Variants in INPP5A observed in about 807,000 individuals in gnomAD.
INPP5A encodes the protein inositol polyphosphate-5-phosphatase A, also known as 43 kDa inositol polyphosphate 5-phophatase.
Under a neutral mutation model 65.2 loss-of-function variants are expected in INPP5A, and 14 were observed. The observed-to-expected ratio is 0.21, with a 90% confidence interval of 0.14 to 0.34. The LOEUF (loss-of-function observed/expected upper bound fraction) is 0.34. INPP5A is among the 10% of genes least tolerant of loss of function. The pLI is 1.00. For missense variants in INPP5A, 431 were observed against 545.6 expected, an observed-to-expected ratio of 0.79 and a Z score of 2.09; for synonymous variants, 207 against 208.3, an observed-to-expected ratio of 0.99 and a Z score of 0.05.
In INPP5A at chr10:132,780,849, T is replaced by C; in HGVS notation, c.1090T>C (p.Ser364Pro). The change falls in exon 14 of 16, where the codon TCG becomes CCG. Residue 364 changes from serine to proline, a missense_variant and splice_region_variant. Transcript: ENST00000368594. ...SPSAKELVLR[S>P]ESEEKVVTYD... ...TCACCTGTCTGTTTCCCCTTTCCAG[T>C]CGGAGAGCGAGGAGAAGGTTGTCAC... is the stretch of plus-strand genomic sequence containing the variant. 6.2e-7 allele frequency: 1 copy of C among 1,613,186 alleles called. No homozygotes were observed. The highest frequency in any genetic ancestry group is 8.5e-7 in the Non-Finnish European group (1 of 1,179,766).
intron 4 of INPP5A, among the ~76,000 whole-genome samples, chr10:132,664,932 G>A (rs372914208): frequency 3.9e-5 from 6 of 152,228 alleles, no homozygotes; most frequent in Admixed American, 3.9e-4. Context: ...AGTCCCCGAT[G>A]TAGGCTTGTT....
At position 132,726,866 on chromosome 10, in the gene INPP5A, T is replaced by C. The variant is rs775599363; in HGVS notation, c.693T>C (p.Gly231=). 6.2e-7 allele frequency: 1 copy of C among 1,610,906 alleles called. No homozygotes were observed. The highest frequency in any genetic ancestry group is 8.5e-7 in the Non-Finnish European group (1 of 1,177,616). Residue 231 remains glycine, a synonymous_variant, in exon 9 of 16, where the codon GGT becomes GGC. Coordinates refer to ENST00000368594, the MANE Select transcript of INPP5A (RefSeq NM_005539.5). Reference sequence around the variant, plus strand: ...AGAAGGTTTCCTACTTTGTATTTGGTGATTTCAACTTCCGGCTGGATTCCA... The same window carrying C: ...AGAAGGTTTCCTACTTTGTATTTGGCGATTTCAACTTCCGGCTGGATTCCA... The part of the protein sequence containing the change: ...RFEKVSYFVF[G]DFNFRLDSKS...
chr10:132,701,742 C>T (rs1845440860), intron 6 of INPP5A, among the ~76,000 whole-genome samples: 1 of 152,098 alleles, frequency 6.6e-6, no homozygotes, highest in Non-Finnish European at 1.5e-5. Flanking sequence ...CCTCCTTCCT[C>T]TTGGGCCACC....
At chr10:132,681,862 A>G (rs1303291094) in intron 4 of INPP5A, among the ~76,000 whole-genome samples, 1 of 152,248 alleles carries the variant, frequency 6.6e-6, no homozygotes, top group Admixed American at 6.5e-5. Flanking sequence ...AACCGTAAAA[A>G]GGAAAGAAAT....
Position 132,635,385 on chromosome 10 carries a change from G to GTTTTTT in INPP5A, c.118-10483_118-10482insTTTTTT, listed in dbSNP as rs1564943179. ...TTTATTGGCTGTTTGCCTTTTTAAA[G>GTTTTTT]ATTTTTTTTTTTTTTTTTTTTTTTT... On this transcript the variant is annotated intron_variant, in intron 2 of 15. Coordinates refer to ENST00000368594, the MANE Select transcript of INPP5A (RefSeq NM_005539.5). Among the ~76,000 whole-genome samples, 39 of 40,146 alleles carry GTTTTTT rather than the reference G, an allele frequency of 9.7e-4. 1 individual carries two copies. Among genetic ancestry groups the GTTTTTT allele is most frequent in the South Asian group, 2.7e-3 (3 of 1,096 alleles). 26.3% of individuals were successfully genotyped at this position (40,146 alleles called of 152,430 possible).
rs560140052 is a variant in INPP5A, at chr10:132,753,992, A to C, written c.903+4147A>C. 8.5e-5 allele frequency: 13 copies of C among 152,372 alleles called. No individual in the cohort carries two copies. The South Asian group carries it at 2.7e-3, about 32-fold the overall frequency. The allele number at this position is 152,372 out of a possible 1,614,324, so 9.4% of individuals were successfully genotyped here. A position where few individuals can be genotyped will look rare whatever the true frequency, so the allele number is the denominator to read the frequency against. On this transcript the variant is annotated intron_variant, in intron 11 of 15. Transcript: ENST00000368594. The surrounding 1 kb of genome is among the most constrained non-coding windows in gnomAD (Gnocchi z 5.3). ...TCAACAGCAACGTGCGCAGTTTCTAATCAGAAACCTCTCCTGTCTGGTATT... is the reference window on the plus strand; with the variant it reads ...TCAACAGCAACGTGCGCAGTTTCTACTCAGAAACCTCTCCTGTCTGGTATT...
intron 11 of INPP5A, among the ~76,000 whole-genome samples, chr10:132,758,260 A>G (rs1590991254): frequency 8.6e-6 from 1 of 116,426 alleles, no homozygotes; most frequent in African/African-American, 3.0e-5. Flanking sequence ...GCCCGGCACC[A>G]TGGCGTGGGT....
intron 4 of INPP5A, among the ~76,000 whole-genome samples, chr10:132,671,505 T>C (rs1398954333): frequency 2.0e-5 from 3 of 152,150 alleles, no homozygotes; most frequent in Admixed American, 2.0e-4. Flanking sequence ...TCTGCTTCGG[T>C]ATCTACCTCC....
intron 7 of INPP5A, 128 bp downstream of exon 7, chr10:132,708,493 G>T (rs757589683): frequency 1.1e-6 from 1 of 881,458 alleles, no homozygotes; most frequent in East Asian, 2.4e-5. Context: ...CCAGCTGCCT[G>T]ACCCCCACCT....
chr10:132,730,573 G>A (rs1429251857), intron 9 of INPP5A, among the ~76,000 whole-genome samples: 1 of 152,254 alleles, frequency 6.6e-6, no homozygotes, highest in Non-Finnish European at 1.5e-5. Flanking sequence ...GACAGCGGGT[G>A]TGGGGCTTGC....
Position 132,637,161 on chromosome 10 carries a change from C to T in INPP5A, c.118-8707C>T, listed in dbSNP as rs1378896515. Among the ~76,000 whole-genome samples, 1 of 152,172 alleles carries T rather than the reference C, an allele frequency of 6.6e-6. No homozygotes were observed. The highest frequency in any genetic ancestry group is 2.4e-5 in the African/African-American group (1 of 41,434). On this transcript the variant is annotated intron_variant, in intron 2 of 15. Transcript: ENST00000368594. This position sits in a 1 kb window ranked among gnomAD's most constrained non-coding sequence, Gnocchi z 4.1. ...TTGATCTCCTGACCTTGTGGTTGATCCGCCCGCTGCCTCGGCCTCCCAAAG... is the reference window on the plus strand; with the variant it reads ...TTGATCTCCTGACCTTGTGGTTGATTCGCCCGCTGCCTCGGCCTCCCAAAG...
At chr10:132,742,630 G>A (rs1025062299) in intron 9 of INPP5A, among the ~76,000 whole-genome samples, 5 of 152,168 alleles carry the variant, frequency 3.3e-5, no homozygotes, top group Admixed American at 2.6e-4. Flanking sequence ...TCTTGGAGAC[G>A]GGCACAGCTT....
chr10:132,654,245 G>A lies in INPP5A; in HGVS notation c.306+3740G>A, dbSNP rs752964028. 3.9e-5 allele frequency among the ~76,000 whole-genome samples: 6 copies of A among 152,378 alleles called. 1 individual carries two copies. The highest frequency in any genetic ancestry group is 7.2e-5 in the African/African-American group (3 of 41,596). On this transcript the variant is annotated intron_variant, in intron 4 of 15. Transcript: ENST00000368594. The stretch of plus-strand genomic sequence containing the variant: ...CTTCAGCTCAGTGGGCTCCAGCCCC[G>A]GCTTCCCTGCCTGGGCACGGACCTG...
intron 4 of INPP5A, among the ~76,000 whole-genome samples, chr10:132,673,062 A>C (rs899331949): frequency 6.6e-6 from 1 of 151,994 alleles, no homozygotes; most frequent in Non-Finnish European, 1.5e-5. Flanking sequence ...TTCCATGTAT[A>C]CTCTTCCTTA....
At chr10:132,756,883 A>G (rs1184522026) in intron 11 of INPP5A, among the ~76,000 whole-genome samples, 3 of 152,358 alleles carry the variant, frequency 2.0e-5, no homozygotes, top group Non-Finnish European at 2.9e-5. Flanking sequence ...AACGTCGATG[A>G]TCCTGACCCT....
chr10:132,543,006 G>T (rs2070925541), intron 1 of INPP5A, among the ~76,000 whole-genome samples: 1 of 152,044 alleles, frequency 6.6e-6, no homozygotes, highest in Non-Finnish European at 1.5e-5. Flanking sequence ...ATGGGGTCTT[G>T]CTGTGTTGCC....
chr10:132,594,862 G>C (rs151024246), intron 1 of INPP5A, among the ~76,000 whole-genome samples: 2 of 152,124 alleles, frequency 1.3e-5, no homozygotes, highest in Admixed American at 1.3e-4. Context: ...GGTTCTCCCC[G>C]TCTGCCATTT....
At chr10:132,758,140 ATGT>A (rs773837718) in intron 11 of INPP5A, among the ~76,000 whole-genome samples, 4 of 114,746 alleles carry the variant, frequency 3.5e-5, no homozygotes, top group Non-Finnish European at 5.6e-5. Context: ...GGCCAGTGCG[ATGT>A]TGTGGGTCCC....
intron 2 of INPP5A, among the ~76,000 whole-genome samples, chr10:132,621,801 A>C (rs1403529321): frequency 4.9e-5 from 7 of 142,282 alleles, no homozygotes; most frequent in Non-Finnish European, 1.1e-4. Context: ...TTTTTTTTTT[A>C]AATCTGTGTA....
Sources: gnomAD v4.1 joint callset for allele counts (sites outside exome capture counted in the v4.1 genomes callset) on GRCh38, gnomAD v4.1.1 for gene constraint, Gnocchi (gnomAD v3.1) non-coding constraint, MANE v1.5 for transcripts, NCBI Gene and HGNC (gene_info 2026-07-23, HGNC 2026-07-21) for gene names.